PTPRD: variants seen among roughly 807,000 people sequenced by gnomAD.
The protein encoded by PTPRD is receptor-type tyrosine-protein phosphatase delta.
PTPRD carries 34 observed loss-of-function variants against 214.5 expected under a neutral mutation model. The ratio of observed to expected loss-of-function variants is 0.16; its 90% CI spans 0.12 to 0.21. The LOEUF (loss-of-function observed/expected upper bound fraction) is 0.21. PTPRD is among the 10% of genes least tolerant of loss of function. The pLI, the probability that PTPRD is intolerant of heterozygous loss-of-function variation, is 1.00. For missense variants in PTPRD, 2,545 were observed against 2,398.7 expected (o/e 1.06, Z -1.27); for synonymous variants, 1,128 against 845.7 (o/e 1.33, Z -5.79).
chr9:9,144,858 G>T (rs529555657), intron 10 of PTPRD, among the ~76,000 whole-genome samples: 2 of 152,194 alleles, frequency 1.3e-5, no homozygotes, highest in Admixed American at 6.5e-5. Context: ...AAGCAATATT[G>T]TTATTAAAAT....
chr9:9,127,698 C>T (rs763878704), intron 10 of PTPRD, among the ~76,000 whole-genome samples: 11 of 151,888 alleles, frequency 7.2e-5, no homozygotes, highest in South Asian at 2.1e-4. Context: ...GTGGTCAAGA[C>T]GGGAGGTGTA....
intron 5 of PTPRD, among the ~76,000 whole-genome samples, chr9:9,815,959 G>C (rs572081600): frequency 6.6e-6 from 1 of 152,234 alleles, no homozygotes; most frequent in African/African-American, 2.4e-5. Context: ...ACTTTTTTAA[G>C]TGAAAGTGTG....
intron 5 of PTPRD, among the ~76,000 whole-genome samples, chr9:9,911,181 T>A (rs377034586): frequency 4.6e-5 from 7 of 152,190 alleles, no homozygotes; most frequent in African/African-American, 1.7e-4. Context: ...TTTAGTTTGT[T>A]TGGGAAGGTA....
At chr9:10,195,106 T>TC (rs2099392496) in intron 3 of PTPRD, among the ~76,000 whole-genome samples, 1 of 147,380 alleles carries the variant, frequency 6.8e-6, no homozygotes, top group Admixed American at 6.8e-5. Context: ...CTATTTTTTT[T>TC]TTTTTTTTTT....
Position 10,364,003 on chromosome 9 carries a change from T to TTTTTTTTTG in PTPRD, c.-599-22987_-599-22986insCAAAAAAAA, listed in dbSNP as rs2154472730. 2.4e-5 allele frequency among the ~76,000 whole-genome samples: 2 copies of TTTTTTTTTG among 81,786 alleles called. 1 individual carries two copies. Among genetic ancestry groups the TTTTTTTTTG allele is most frequent in the Admixed American group, 2.4e-4 (2 of 8,244 alleles). The allele number at this position is 81,786 out of a possible 152,430, so 53.7% of individuals were successfully genotyped here. The stretch of plus-strand genomic sequence containing the variant: ...TCCACATTTTCGGGTTTTTTTTTTT[T>TTTTTTTTTG]TTTTTTTTTTTTTTGAGATGGAGTC... On this transcript the variant is annotated intron_variant, in intron 2 of 45. Transcript: ENST00000381196.
At chr9:8,729,731 T>G (rs568333093) in intron 12 of PTPRD, among the ~76,000 whole-genome samples, 25 of 152,336 alleles carry the variant, frequency 1.6e-4, no homozygotes, top group Non-Finnish European at 3.1e-4. Flanking sequence ...AAGCATGATT[T>G]ACCAAATCAC....
chr9:9,935,514 T>A (rs1320301595), intron 5 of PTPRD, among the ~76,000 whole-genome samples: 2 of 152,042 alleles, frequency 1.3e-5, no homozygotes, highest in African/African-American at 2.4e-5. Flanking sequence ...GAATTCAACT[T>A]ACAAGGGATG....
intron 34 of PTPRD, among the ~76,000 whole-genome samples, chr9:8,444,274 T>C (rs1321759422): frequency 1.3e-5 from 2 of 152,158 alleles, no homozygotes; most frequent in Non-Finnish European, 2.9e-5. Flanking sequence ...ATTGTCATTA[T>C]CTGTTAAAAA....
intron 2 of PTPRD, among the ~76,000 whole-genome samples, chr9:10,374,061 G>A (rs1005203118): frequency 6.6e-6 from 1 of 152,016 alleles, no homozygotes; most frequent in Admixed American, 6.6e-5. Flanking sequence ...TGCCTCTTTA[G>A]CTGTGAGATA....
At chr9:9,832,993 G>A (rs914955691) in intron 5 of PTPRD, among the ~76,000 whole-genome samples, 6 of 151,674 alleles carry the variant, frequency 4.0e-5, no homozygotes, top group Non-Finnish European at 7.4e-5. Flanking sequence ...TTCCAGGCCT[G>A]TTTTGCTGGA....
intron 7 of PTPRD, among the ~76,000 whole-genome samples, chr9:9,589,552 A>G (rs1166807804): frequency 6.6e-6 from 1 of 152,038 alleles, no homozygotes; most frequent in Non-Finnish European, 1.5e-5. Flanking sequence ...CAATCAGTAC[A>G]CTGTGTTCCA....
chr9:8,381,822 A>G (rs73416467), intron 37 of PTPRD, among the ~76,000 whole-genome samples: 1 of 152,222 alleles, frequency 6.6e-6, no homozygotes, highest in African/African-American at 2.4e-5. Context: ...GAGCTGCCGT[A>G]AACTTTTCCA....
At chr9:10,493,531 A>G (rs1022959861) in intron 2 of PTPRD, among the ~76,000 whole-genome samples, 1 of 152,224 alleles carries the variant, frequency 6.6e-6, no homozygotes, top group East Asian at 1.9e-4. Flanking sequence ...GGTGTTGGGA[A>G]AATTGGCTAG....
At chr9:8,582,073 G>C (rs1004849159) in intron 14 of PTPRD, among the ~76,000 whole-genome samples, 1 of 151,948 alleles carries the variant, frequency 6.6e-6, no homozygotes, top group Admixed American at 6.6e-5. Context: ...TAAACTATTG[G>C]AAGTGACAAA....
At chr9:10,594,325 C>G (rs543215544) in intron 2 of PTPRD, among the ~76,000 whole-genome samples, 1 of 151,950 alleles carries the variant, frequency 6.6e-6, no homozygotes, top group Non-Finnish European at 1.5e-5. Context: ...GTCCTTATTA[C>G]TGACACTAGA....
intron 12 of PTPRD, among the ~76,000 whole-genome samples, chr9:8,677,754 T>C (rs146657742): frequency 9.3e-4 from 142 of 152,240 alleles, no homozygotes; most frequent in African/African-American, 3.3e-3. Flanking sequence ...AATAGCAAAA[T>C]GTCTGATTTC....
intron 11 of PTPRD, among the ~76,000 whole-genome samples, chr9:8,792,453 T>C (rs2096267627): frequency 6.6e-6 from 1 of 152,216 alleles, no homozygotes; most frequent in Non-Finnish European, 1.5e-5. Context: ...CCTTTTCTAA[T>C]GGGCGGCAGA....
In PTPRD at chr9:9,837,906, T is replaced by A. The variant is rs183311899; in HGVS notation, c.-367-71055A>T. Among the ~76,000 whole-genome samples, 629 of 152,308 alleles carry A rather than the reference T, an allele frequency of 4.1e-3. 4 individuals carry two copies. Among genetic ancestry groups the A allele is most frequent in the African/African-American group, 0.015 (605 of 41,572 alleles). On this transcript the variant is annotated intron_variant, in intron 5 of 45. Transcript: ENST00000381196. ...TAGCATTAGGTATATCTCCTAATGT[T>A]ATCCCTCCCCACTCCCCCAACCCCA...
At chr9:9,774,659 G>T (rs1212743754) in intron 5 of PTPRD, among the ~76,000 whole-genome samples, 1 of 152,134 alleles carries the variant, frequency 6.6e-6, no homozygotes, top group Non-Finnish European at 1.5e-5. Context: ...TCTTTAGTTT[G>T]AAGGATCCAT....
Sources: gnomAD v4.1 joint callset for allele counts (sites outside exome capture counted in the v4.1 genomes callset) on GRCh38, gnomAD v4.1.1 for gene constraint, MANE v1.5 for transcripts, NCBI Gene and HGNC (gene_info 2026-07-23, HGNC 2026-07-21) for gene names.